RSF1: variants seen among roughly 807,000 people sequenced by gnomAD.
RSF1 encodes the protein remodeling and spacing factor 1, also known as HBV pX-associated protein 8.
A neutral mutation model predicts 145.2 loss-of-function variants in RSF1; 13 were observed. The ratio of observed to expected loss-of-function variants is 0.09; its 90% CI spans 0.06 to 0.14. The LOEUF (loss-of-function observed/expected upper bound fraction) is 0.14. Ranked by LOEUF, RSF1 falls within the 10% of genes least tolerant of loss-of-function variation. RSF1 has a pLI of 1.00. For missense variants in RSF1, 1,517 were observed against 1,718.2 expected (o/e 0.88, Z 2.07); for synonymous variants, 577 against 592.6 (o/e 0.97, Z 0.38).
At chr11:77,802,672 T>C (rs999829064) in intron 1 of RSF1, among the ~76,000 whole-genome samples, 4 of 152,104 alleles carry the variant, frequency 2.6e-5, no homozygotes, top group African/African-American at 9.7e-5. Flanking sequence ...GCCTCCCAAG[T>C]AGCTGGGATT....
intron 1 of RSF1, among the ~76,000 whole-genome samples, chr11:77,811,950 G>A (rs1219518990): frequency 6.6e-6 from 1 of 152,170 alleles, no homozygotes; most frequent in African/African-American, 2.4e-5. Flanking sequence ...GAGTCAGGTG[G>A]ATTGCTTGAG....
chr11:77,820,062 C>G (rs1948838267), intron 1 of RSF1, among the ~76,000 whole-genome samples: 1 of 152,144 alleles, frequency 6.6e-6, no homozygotes, highest in Non-Finnish European at 1.5e-5. Context: ...CCGGAGCAGC[C>G]GAGCCCAGCC....
intron 10 of RSF1, among the ~76,000 whole-genome samples, chr11:77,684,766 T>C (rs1959958694): frequency 1.3e-5 from 2 of 152,110 alleles, no homozygotes; most frequent in Admixed American, 1.3e-4. Context: ...GACAGGCAGA[T>C]CACCTGAGGT....
chr11:77,789,879 G>T (rs552068770), intron 1 of RSF1, among the ~76,000 whole-genome samples: 1 of 152,166 alleles, frequency 6.6e-6, no homozygotes, highest in African/African-American at 2.4e-5. Context: ...ACCTCCCAGC[G>T]GCCTGAGGTT....
At chr11:77,725,938 T>C (rs1177829842) in intron 4 of RSF1, among the ~76,000 whole-genome samples, 1 of 152,126 alleles carries the variant, frequency 6.6e-6, no homozygotes, top group Non-Finnish European at 1.5e-5. Flanking sequence ...GGAATGACAA[T>C]GAATATCTCT....
chr11:77,810,257 TACA>T (rs1364233402), intron 1 of RSF1, among the ~76,000 whole-genome samples: 12 of 152,200 alleles, frequency 7.9e-5, no homozygotes, highest in African/African-American at 2.4e-4. Context: ...GCAGCAATGT[TACA>T]ACAACTCTTA....
intron 1 of RSF1, among the ~76,000 whole-genome samples, chr11:77,810,210 A>C (rs963823965): frequency 2.0e-5 from 3 of 152,150 alleles, no homozygotes; most frequent in Non-Finnish European, 4.4e-5. Flanking sequence ...ACCCTCCCCT[A>C]ATCAGTCCAC....
chr11:77,673,446 C>T (rs1297756000), intron 14 of RSF1, among the ~76,000 whole-genome samples: 1 of 152,130 alleles, frequency 6.6e-6, no homozygotes. Flanking sequence ...AAATAGCTAG[C>T]CAATAGGTTG....
intron 1 of RSF1, among the ~76,000 whole-genome samples, chr11:77,816,044 TTACTC>T (rs1399562571): frequency 2.0e-5 from 3 of 152,168 alleles, no homozygotes; most frequent in East Asian, 1.9e-4. Flanking sequence ...CTCCGTAACT[TTACTC>T]TATGACATAT....
At position 77,661,244 on chromosome 11, in the gene RSF1, A is replaced by T. The variant is rs1959228641; in HGVS notation, c.*5673T>A. ...CAAAGTGTACACACAACCTCATGGC[A>T]GGTTTGGGCAAGCTACAACAGATAC... On this transcript the variant is annotated 3_prime_UTR_variant, in exon 16 of 16. Coordinates refer to ENST00000308488, the MANE Select transcript of RSF1 (RefSeq NM_016578.4). The T allele has an allele frequency of 6.6e-6, 1 of 152,142 alleles. No homozygotes were observed. The highest frequency in any genetic ancestry group is 1.5e-5 in the Non-Finnish European group (1 of 68,010). 9.4% of individuals were successfully genotyped at this position (152,142 alleles called of 1,614,324 possible).
At chr11:77,734,676 T>C (rs1590857391) in intron 4 of RSF1, 1 of 1,401,278 alleles carries the variant, frequency 7.1e-7, no homozygotes, top group Non-Finnish European at 1.0e-6. Flanking sequence ...ATTTGTGCAG[T>C]TCCAGTAGTG....
chr11:77,701,768 T>C lies in RSF1; in HGVS notation c.1461A>G (p.Thr487=), dbSNP rs1452003557. 1 of 1,613,934 alleles carries C rather than the reference T, an allele frequency of 6.2e-7. No individual in the cohort carries two copies. Among genetic ancestry groups the C allele is most frequent in the Non-Finnish European group, 8.5e-7 (1 of 1,179,978 alleles). ...TTGTTATGACAGAATTTAAGGACTC[T>C]GTTCCATTTCCCTCCGTGATGATAT... ...DRNIITEGNG[T]ESLNSVITSM... is the part of the protein sequence containing the mutation. Residue 487 remains threonine (T), a synonymous_variant, in exon 6 of 16, where the codon ACA becomes ACG. Transcript: ENST00000308488.
intron 9 of RSF1, among the ~76,000 whole-genome samples, chr11:77,686,408 C>CAAAAA (rs564410248): frequency 0.021 from 790 of 37,076 alleles, 143 homozygotes; most frequent in African/African-American, 0.09. Flanking sequence ...GACCCTGTCT[C>CAAAAA]AAAAAAAAAA....
At chr11:77,813,820 GACACACACACACACAC>G (rs10688175) in intron 1 of RSF1, 290 of 169,352 alleles carry the variant, frequency 1.7e-3, no homozygotes, top group South Asian at 0.012. Flanking sequence ...TTTGTAAAAG[GACACACACACACACAC>G]ACACACACAC....
chr11:77,863,210 G>A, the RSF1 span, among the ~76,000 whole-genome samples: 6 of 152,140 alleles, frequency 3.9e-5, no homozygotes, highest in African/African-American at 1.2e-4. Context: ...GGACGAACCC[G>A]GGCACTTAGC....
chr11:77,730,650 C>T (rs888470388), intron 4 of RSF1, among the ~76,000 whole-genome samples: 6 of 152,194 alleles, frequency 3.9e-5, no homozygotes, highest in African/African-American at 1.4e-4. Context: ...TCCCACAATT[C>T]CCACGTGTTG....
intron 15 of RSF1, among the ~76,000 whole-genome samples, chr11:77,669,307 T>C (rs942314791): frequency 6.6e-6 from 1 of 152,108 alleles, no homozygotes; most frequent in Non-Finnish European, 1.5e-5. Context: ...CTGGCCCCCT[T>C]CAATCTATTC....
At chr11:77,811,939 T>C (rs1457299654) in intron 1 of RSF1, among the ~76,000 whole-genome samples, 3 of 152,070 alleles carry the variant, frequency 2.0e-5, no homozygotes, top group African/African-American at 7.2e-5. Flanking sequence ...TTGGGGAGGC[T>C]GAGTCAGGTG....
intron 1 of RSF1, among the ~76,000 whole-genome samples, chr11:77,778,556 A>C (rs1445547881): frequency 1.3e-5 from 2 of 152,056 alleles, no homozygotes; most frequent in Non-Finnish European, 2.9e-5. Flanking sequence ...TTTCTGAAAA[A>C]AGTTCTTGGC....
Sources: allele counts gnomAD v4.1 joint callset (sites outside exome capture counted in the v4.1 genomes callset), GRCh38; gene constraint gnomAD v4.1.1; transcripts MANE v1.5; gene names NCBI Gene and HGNC (gene_info 2026-07-23, HGNC 2026-07-21).